The following POLK variants were observed in gnomAD, a reference collection of about 807,000 sequenced individuals.
The protein encoded by POLK is DNA polymerase kappa, also known as polymerase (DNA directed) kappa.
In POLK, 76 loss-of-function variants were observed where a neutral mutation model predicts 94.0. That is an observed-to-expected ratio of 0.81 (90% CI 0.67 to 0.98). POLK has a LOEUF of 0.98. Among genes scored for constraint, POLK ranks in the 50% least tolerant of loss-of-function variants. POLK has a pLI of 0.00. For missense variants in POLK, 954 were observed against 1,010.1 expected, an observed-to-expected ratio of 0.94 and a Z score of 0.75; for synonymous variants, 349 against 325.4, an observed-to-expected ratio of 1.07 and a Z score of -0.78.
intron 3 of POLK, among the ~76,000 whole-genome samples, chr5:75,553,266 C>T (rs1770420992): frequency 6.6e-6 from 1 of 152,090 alleles, no homozygotes; most frequent in Admixed American, 6.6e-5. Context: ...CAACTCAAAG[C>T]AGTCAAATTT....
chr5:75,546,803 C>T (rs1770045846), intron 1 of POLK, among the ~76,000 whole-genome samples: 1 of 152,036 alleles, frequency 6.6e-6, no homozygotes, highest in Non-Finnish European at 1.5e-5. Flanking sequence ...GTAGCTGGGA[C>T]TACAGGCGCA....
rs537428705 is a variant in POLK, at chr5:75,527,589, A to G, written c.-14+15675A>G. ...TATATACATGTGTATGTGTGTGTGT[A>G]TATATATAGTTTTATTCTTAGATCA... On this transcript the variant is annotated intron_variant, in intron 1 of 14. Coordinates refer to ENST00000241436, the Ensembl canonical transcript of POLK. Among the ~76,000 whole-genome samples, 44 of 151,758 alleles carry G rather than the reference A, an allele frequency of 2.9e-4. No homozygotes were observed. The East Asian group carries it at 7.4e-3, about 25-fold the overall frequency.
intron 2 of POLK, among the ~76,000 whole-genome samples, chr5:75,549,435 A>G (rs147480926): frequency 1.3e-5 from 2 of 151,604 alleles, no homozygotes; most frequent in African/African-American, 4.8e-5. Flanking sequence ...CTGCTAGCAC[A>G]ATTTCTTTTT....
intron 3 of POLK, among the ~76,000 whole-genome samples, chr5:75,553,540 A>T (rs570577598): frequency 1.3e-5 from 2 of 152,162 alleles, no homozygotes; most frequent in Non-Finnish European, 2.9e-5. Context: ...ATGAAAGATG[A>T]TTTATTTGTC....
Position 75,524,166 on chromosome 5 carries a change from A to G in POLK, c.-14+12252A>G, listed in dbSNP as rs548985819. 3.5e-4 allele frequency among the ~76,000 whole-genome samples: 53 copies of G among 152,146 alleles called. 1 individual carries two copies. Among genetic ancestry groups the G allele is most frequent in the African/African-American group, 1.2e-3 (51 of 41,552 alleles). ...CAACAAAAAAAAACTTTCAGATTGT[A>G]AAAAGGGCAGATAAGAGGAAGCAGG... On this transcript the variant is annotated intron_variant, in intron 1 of 14. Transcript: ENST00000241436.
chr5:75,577,002 A>T, intron 6 of POLK, 69 bp downstream of exon 6: 3 of 914,370 alleles, frequency 3.3e-6, no homozygotes, highest in Non-Finnish European at 4.8e-6. Context: ...TCTTTGAATT[A>T]ATCCAATTAA....
intron 1 of POLK, among the ~76,000 whole-genome samples, chr5:75,530,013 C>T (rs1014855631): frequency 6.6e-6 from 1 of 152,064 alleles, no homozygotes; most frequent in African/African-American, 2.4e-5. Context: ...ATAATGCTTT[C>T]CCTTTACTTT....
chr5:75,584,618 C>T, intron 8 of POLK, 142 bp from the exon 9 acceptor site: 1 of 538,726 alleles, frequency 1.9e-6, no homozygotes, highest in Non-Finnish European at 3.2e-6. Context: ...TTGTGGGGAG[C>T]CAACTTGGCA....
intron 12 of POLK, 89 bp from the exon 13 acceptor site, chr5:75,596,133 A>G (rs1773070571): frequency 5.6e-6 from 4 of 719,214 alleles, no homozygotes; most frequent in South Asian, 3.7e-5. Flanking sequence ...CCTTTTGTAT[A>G]TGTCATAGCA....
At chr5:75,521,059 G>C (rs943650156) in intron 1 of POLK, among the ~76,000 whole-genome samples, 17 of 152,018 alleles carry the variant, frequency 1.1e-4, no homozygotes, top group African/African-American at 3.9e-4. Context: ...CTTTGTCCTT[G>C]ACATTTGAGA....
chr5:75,557,522 C>T (rs1285658812), intron 3 of POLK, among the ~76,000 whole-genome samples: 1 of 152,132 alleles, frequency 6.6e-6, no homozygotes, highest in Non-Finnish European at 1.5e-5. Flanking sequence ...TTGGATAAAC[C>T]CATTATACAG....
At position 75,551,900 on chromosome 5, in the gene POLK, A is replaced by G. The variant is rs775871389; in HGVS notation, c.136-572A>G. Among the ~76,000 whole-genome samples, 5 of 152,350 alleles carry G rather than the reference A, an allele frequency of 3.3e-5. No individual in the cohort carries two copies. The South Asian group carries it at 6.2e-4, about 19-fold the overall frequency. On this transcript the variant is annotated intron_variant, in intron 2 of 14. Transcript: ENST00000241436. ...GAGAGAAATGACAACATATGTCCAC[A>G]TGAAAACTTGTCCACAAATGTTTAT...
intron 10 of POLK, 151 bp downstream of exon 10, chr5:75,587,209 G>A (rs1772520503): frequency 5.7e-6 from 3 of 523,312 alleles, no homozygotes; most frequent in Non-Finnish European, 1.0e-5. Context: ...TGCAATAAAT[G>A]CCTTAGTATA....
exon 2 of POLK, chr5:75,547,150 C>T: frequency 1.3e-6 from 2 of 1,532,000 alleles, no homozygotes; most frequent in Non-Finnish European, 1.8e-6. Flanking sequence ...ATAATGGAAG[C>T]CACGAAGGTA....
At chr5:75,511,735 C>T, upstream of POLK, 1 of 1,549,966 alleles carries the variant, frequency 6.5e-7, no homozygotes, top group Non-Finnish European at 8.7e-7. Flanking sequence ...GCCGAGCCTT[C>T]GGGATCCTCC....
chr5:75,568,017 T>TA (rs1187594452), intron 3 of POLK, among the ~76,000 whole-genome samples: 2 of 151,852 alleles, frequency 1.3e-5, no homozygotes, highest in Non-Finnish European at 2.9e-5. Flanking sequence ...AGGAAGGACA[T>TA]AAAAAAAATT....
chr5:75,537,293 TG>T (rs1769490648), intron 1 of POLK, among the ~76,000 whole-genome samples: 1 of 151,136 alleles, frequency 6.6e-6, no homozygotes, highest in South Asian at 2.1e-4. Flanking sequence ...GGGCACAGGG[TG>T]GTCAGGGGGA....
intron 6 of POLK, among the ~76,000 whole-genome samples, chr5:75,577,792 T>A (rs1771974692): frequency 6.6e-6 from 1 of 152,230 alleles, no homozygotes; most frequent in African/African-American, 2.4e-5. Context: ...TCACATCATT[T>A]GATGCAAGTT....
intron 1 of POLK, among the ~76,000 whole-genome samples, chr5:75,515,122 C>G (rs1287415151): frequency 2.0e-5 from 3 of 152,138 alleles, no homozygotes; most frequent in Admixed American, 1.3e-4. Context: ...TAAATGATCT[C>G]TGGAGCCTCT....
Sources: allele counts gnomAD v4.1 joint callset (sites outside exome capture counted in the v4.1 genomes callset), GRCh38; gene constraint gnomAD v4.1.1; transcripts MANE v1.5; gene names NCBI Gene and HGNC (gene_info 2026-07-23, HGNC 2026-07-21).